Variants in LMX1A observed in about 807,000 individuals in gnomAD.
LMX1A encodes LIM homeobox transcription factor 1 alpha.
Under a neutral mutation model 49.1 loss-of-function variants are expected in LMX1A, and 15 were observed. That is an observed-to-expected ratio of 0.31 (90% CI 0.20 to 0.47). The LOEUF is 0.47. LMX1A is among the 20% of genes least tolerant of loss of function. LMX1A has a pLI of 1.00. For missense variants in LMX1A, 372 were observed against 475.8 expected (o/e 0.78, Z 2.03); for synonymous variants, 167 against 185.7 (o/e 0.90, Z 0.82).
chr1:165,251,134 G>A (rs906752016), intron 3 of LMX1A, among the ~76,000 whole-genome samples: 1 of 151,208 alleles, frequency 6.6e-6, no homozygotes, highest in South Asian at 2.1e-4. Context: ...CCAAGCTGGA[G>A]TGCAGTGGCG....
intron 3 of LMX1A, among the ~76,000 whole-genome samples, chr1:165,288,132 A>C (rs530242718): frequency 1.3e-5 from 2 of 152,346 alleles, no homozygotes; most frequent in African/African-American, 4.8e-5. Flanking sequence ...CTAGCACCAC[A>C]TTATTAAATG....
At chr1:165,252,269 T>C (rs903612376) in intron 3 of LMX1A, among the ~76,000 whole-genome samples, 3 of 152,190 alleles carry the variant, frequency 2.0e-5, no homozygotes, top group African/African-American at 7.2e-5. Context: ...TAACATAATA[T>C]ATATAAACAG....
chr1:165,269,433 C>G (rs1653721788), intron 3 of LMX1A, among the ~76,000 whole-genome samples: 2 of 152,218 alleles, frequency 1.3e-5, no homozygotes, highest in Non-Finnish European at 2.9e-5. Context: ...TCCAGTAGAA[C>G]TTCCTGTGAT....
intron 3 of LMX1A, among the ~76,000 whole-genome samples, chr1:165,251,558 G>A (rs1477708913): frequency 6.6e-6 from 1 of 152,186 alleles, no homozygotes; most frequent in African/African-American, 2.4e-5. Flanking sequence ...ACAGCTGGAA[G>A]ATAGGAAAGC....
chr1:165,340,051 T>C (rs893345555), intron 3 of LMX1A, among the ~76,000 whole-genome samples: 2 of 152,192 alleles, frequency 1.3e-5, no homozygotes, highest in East Asian at 3.8e-4. Context: ...CTTTTTACTA[T>C]ATAGCCTTTA....
intron 3 of LMX1A, among the ~76,000 whole-genome samples, chr1:165,264,330 A>T (rs1653547914): frequency 6.6e-6 from 1 of 152,138 alleles, no homozygotes; most frequent in Non-Finnish European, 1.5e-5. Context: ...TAGCTAAAGA[A>T]CCACAAAAAT....
At chr1:165,241,182 C>T (rs1397825035) in intron 4 of LMX1A, among the ~76,000 whole-genome samples, 1 of 152,160 alleles carries the variant, frequency 6.6e-6, no homozygotes, top group African/African-American at 2.4e-5. Flanking sequence ...ACTTTATGCA[C>T]CCTAGCCACC....
At chr1:165,327,099 T>C (rs1368555450) in intron 3 of LMX1A, among the ~76,000 whole-genome samples, 1 of 151,990 alleles carries the variant, frequency 6.6e-6, no homozygotes, top group Non-Finnish European at 1.5e-5. Context: ...AGGGTAGAGA[T>C]GGATTTGGTA....
At chr1:165,300,977 G>C (rs1213548753) in intron 3 of LMX1A, among the ~76,000 whole-genome samples, 1 of 152,116 alleles carries the variant, frequency 6.6e-6, no homozygotes, top group Non-Finnish European at 1.5e-5. Context: ...ACAGCAGTAG[G>C]CTCAATCTGT....
intron 3 of LMX1A, among the ~76,000 whole-genome samples, chr1:165,352,857 T>C (rs1012138946): frequency 1.3e-5 from 2 of 152,234 alleles, no homozygotes; most frequent in African/African-American, 2.4e-5. Context: ...TTGCGCGCAC[T>C]TCTGCGGGAC....
At chr1:165,239,949 C>A (rs916201635) in intron 4 of LMX1A, among the ~76,000 whole-genome samples, 1 of 152,154 alleles carries the variant, frequency 6.6e-6, no homozygotes, top group African/African-American at 2.4e-5. Context: ...GGAATTTATA[C>A]CAATTCCAAA....
At chr1:165,231,229 A>G (rs1652229578) in intron 4 of LMX1A, among the ~76,000 whole-genome samples, 1 of 152,068 alleles carries the variant, frequency 6.6e-6, no homozygotes, top group Non-Finnish European at 1.5e-5. Flanking sequence ...GCTGATTAGG[A>G]CTAACTCTGG....
chr1:165,294,012 A>G (rs1470971640), intron 3 of LMX1A, among the ~76,000 whole-genome samples: 4 of 152,244 alleles, frequency 2.6e-5, no homozygotes, highest in Non-Finnish European at 5.9e-5. Context: ...AGCCCTATGA[A>G]AGAGATGGGC....
intron 3 of LMX1A, among the ~76,000 whole-genome samples, chr1:165,332,927 C>T (rs1655789987): frequency 6.6e-6 from 1 of 152,200 alleles, no homozygotes; most frequent in African/African-American, 2.4e-5. Flanking sequence ...ACACACAAAG[C>T]AGCTGTGACA....
chr1:165,352,179 T>A (rs6686310), intron 3 of LMX1A, among the ~76,000 whole-genome samples: 30,775 of 152,226 alleles, frequency 0.2, 3,457 homozygotes, highest in African/African-American at 0.29. Flanking sequence ...CCGGAGAGAA[T>A]AAGGAAGTTC....
chr1:165,265,992 G>C (rs988774965), intron 3 of LMX1A, among the ~76,000 whole-genome samples: 1 of 152,176 alleles, frequency 6.6e-6, no homozygotes, highest in Non-Finnish European at 1.5e-5. Context: ...ATTTAAGGGA[G>C]GGGTTTTATT....
At chr1:165,259,123 A>G (rs1653346165) in intron 3 of LMX1A, among the ~76,000 whole-genome samples, 1 of 152,254 alleles carries the variant, frequency 6.6e-6, no homozygotes, top group Non-Finnish European at 1.5e-5. Context: ...TGAGCCAAAA[A>G]TAGAACTTTA....
intron 3 of LMX1A, among the ~76,000 whole-genome samples, chr1:165,322,405 C>T (rs893584970): frequency 1.3e-5 from 2 of 152,110 alleles, no homozygotes; most frequent in Non-Finnish European, 2.9e-5. Flanking sequence ...TCACAATAGT[C>T]AAAAGGTAGA....
intron 3 of LMX1A, among the ~76,000 whole-genome samples, chr1:165,278,887 A>G (rs2101703620): frequency 6.6e-6 from 1 of 152,330 alleles, no homozygotes; most frequent in African/African-American, 2.4e-5. Flanking sequence ...GAGAGAAGGT[A>G]CAGGGCAGGA....
Sources: gnomAD v4.1 joint callset for allele counts (sites outside exome capture counted in the v4.1 genomes callset) on GRCh38, gnomAD v4.1.1 for gene constraint, MANE v1.5 for transcripts, NCBI Gene and HGNC (gene_info 2026-07-23, HGNC 2026-07-21) for gene names.